The following CFAP157 variants were observed in gnomAD, a reference collection of about 807,000 sequenced individuals.
The protein encoded by CFAP157 is cilia- and flagella-associated protein 157.
CFAP157 carries 43 observed loss-of-function variants against 57.8 expected under a neutral mutation model. The ratio of observed to expected loss-of-function variants is 0.74; its 90% CI spans 0.58 to 0.96. CFAP157 has a LOEUF of 0.96. CFAP157 is among the 40% of genes least tolerant of loss of function. The pLI is 0.00. For synonymous variants in CFAP157, 267 were observed against 269.0 expected (o/e 0.99, Z 0.07); for missense variants, 606 against 655.3 (o/e 0.92, Z 0.82).
Position 127,714,899 on chromosome 9 carries a change from G to C in CFAP157, c.*994G>C. ...TGAACCCGCGGATCTGTCACAGCCA[G>C]TGCTCCCCTCTGGCCCCCGCGCCCC... On this transcript the variant is annotated 3_prime_UTR_variant, in exon 9 of 9. Coordinates refer to ENST00000373295, the MANE Select transcript of CFAP157 (RefSeq NM_001012502.3). 1 of 1,049,404 alleles carries C rather than the reference G, an allele frequency of 9.5e-7. No individual in the cohort carries two copies. The highest frequency in any genetic ancestry group is 1.4e-6 in the Non-Finnish European group (1 of 734,596). The allele number at this position is 1,049,404 out of a possible 1,614,324, so 65.0% of individuals were successfully genotyped here. A position where few individuals can be genotyped will look rare whatever the true frequency, so the allele number is the denominator to read the frequency against.
In CFAP157 at chr9:127,715,782, G is replaced by A. The variant is rs1842965002; in HGVS notation, c.*1877G>A. ...GCCATGCTTCTGAGGGGCGGAAGCG[G>A]CGAGGCGGTGGCCGAGTCCGGGAAC... On this transcript the variant is annotated 3_prime_UTR_variant, in exon 9 of 9. Coordinates refer to ENST00000373295, the MANE Select transcript of CFAP157 (RefSeq NM_001012502.3). This position sits in a 1 kb window ranked among gnomAD's most constrained non-coding sequence, Gnocchi z 5.8. The A allele has an allele frequency of 3.4e-6, 5 of 1,481,294 alleles. No individual in the cohort carries two copies. The highest frequency in any genetic ancestry group is 4.5e-6 in the Non-Finnish European group (5 of 1,114,386). 91.8% of individuals were successfully genotyped at this position (1,481,294 alleles called of 1,614,324 possible). A position where few individuals can be genotyped will look rare whatever the true frequency, so the allele number is the denominator to read the frequency against.
rs552146423 is a variant in CFAP157, at chr9:127,708,776, A to G, written c.162-646A>G. 5.0e-4 allele frequency among the ~76,000 whole-genome samples: 76 copies of G among 152,360 alleles called. 1 individual carries two copies. Among genetic ancestry groups the G allele is most frequent in the South Asian group, 3.1e-3 (15 of 4,834 alleles). On this transcript the variant is annotated intron_variant, in intron 1 of 8. Transcript: ENST00000373295. The stretch of plus-strand genomic sequence containing the variant: ...GCCAACTTACAGGAGCACCAAAGAG[A>G]GGGCCACAAATGTGGCTCAGGGCCA...
rs963782807 is a variant in CFAP157 at position 127,715,096 on chromosome 9, ACT to A, written c.*1195_*1196del. 47 of 1,532,432 alleles carry A rather than the reference ACT, an allele frequency of 3.1e-5. No homozygotes were observed. In the African/African-American group the frequency reaches 4.3e-4, roughly 14 times the overall value. The allele number at this position is 1,532,432 out of a possible 1,614,324, so 94.9% of individuals were successfully genotyped here. A position where few individuals can be genotyped will look rare whatever the true frequency, so the allele number is the denominator to read the frequency against. On this transcript the variant is annotated 3_prime_UTR_variant, in exon 9 of 9. Transcript: ENST00000373295. The surrounding 1 kb of genome is among the most constrained non-coding windows in gnomAD (Gnocchi z 5.8). Reference sequence around the variant, plus strand: ...CGGCACAGTGCCGGTCGCGCGTCCAACTCTCCGCCACACCCAGCCGCCGCGCC... The same window carrying A: ...CGGCACAGTGCCGGTCGCGCGTCCAACTCCGCCACACCCAGCCGCCGCGCC...
rs771889568 is a variant in CFAP157, at chr9:127,712,207, G to C, written c.995G>C (p.Arg332Thr). The C allele has an allele frequency of 1.4e-5, 22 of 1,613,918 alleles. No homozygotes were observed. The highest frequency in any genetic ancestry group is 1.8e-5 in the Non-Finnish European group (21 of 1,179,950). ...QVDNQALKSQ[R>T]DQLSLQLEQQ... ...TCCCAGTTGGGGTCCAGGAGCCAGA[G>C]AGACCAGCTGAGCCTGCAGCTGGAG... The change falls in exon 6 of 9, where the codon AGA (arginine) becomes ACA (threonine). Residue 332 changes from arginine (R) to threonine (T), a missense_variant. Arg to Thr is a moderately conservative substitution (Grantham distance 71). Coordinates refer to ENST00000373295, the MANE Select transcript of CFAP157 (RefSeq NM_001012502.3).
Position 127,713,914 on chromosome 9 carries a change from GAGA to G in CFAP157, c.*14_*16del, listed in dbSNP as rs1842830758. On this transcript the variant is annotated 3_prime_UTR_variant, in exon 9 of 9. Transcript: ENST00000373295. ...CCCTACGTCCCAAGTAGGACACAGA[GAGA>G]AGAACCTACTCCAGAAATGGACTGG... The G allele has an allele frequency of 6.2e-7, 1 of 1,612,952 alleles. No homozygotes were observed. The highest frequency in any genetic ancestry group is 1.7e-5 in the Admixed American group (1 of 60,012).
Position 127,714,920 on chromosome 9 carries a change from G to GCCCCCCCCCCCCCC in CFAP157, c.*1019_*1020insCCCCCCCCCCCCCC. The GCCCCCCCCCCCCCC allele has an allele frequency of 2.2e-6, 1 of 454,990 alleles. No homozygotes were observed. Among genetic ancestry groups the GCCCCCCCCCCCCCC allele is most frequent in the Non-Finnish European group, 4.0e-6 (1 of 251,058 alleles). The allele number at this position is 454,990 out of a possible 1,614,324, so 28.2% of individuals were successfully genotyped here. A position where few individuals can be genotyped will look rare whatever the true frequency, so the allele number is the denominator to read the frequency against. ...GCCAGTGCTCCCCTCTGGCCCCCGC[G>GCCCCCCCCCCCCCC]CCCCAACCCCCACCCCCTTGGCCCG... is the stretch of plus-strand genomic sequence containing the variant. On this transcript the variant is annotated 3_prime_UTR_variant, in exon 9 of 9. Coordinates refer to ENST00000373295, the MANE Select transcript of CFAP157 (RefSeq NM_001012502.3).
Position 127,712,833 on chromosome 9 carries a change from G to T in CFAP157, c.1262G>T (p.Cys421Phe). 1 of 1,613,734 alleles carries T rather than the reference G, an allele frequency of 6.2e-7. No individual in the cohort carries two copies. Among genetic ancestry groups the T allele is most frequent in the Non-Finnish European group, 8.5e-7 (1 of 1,179,786 alleles). Residue 421 changes from cysteine to phenylalanine, a missense_variant, in exon 7 of 9, where the codon TGT becomes TTT. By Grantham distance (205) the Cys-to-Phe change is radical. Coordinates refer to ENST00000373295, the MANE Select transcript of CFAP157 (RefSeq NM_001012502.3). Reference protein sequence around the residue: ...TVATRPQKAACPHQESQSHGP... With the variant: ...TVATRPQKAAFPHQESQSHGP... ...GCCACGAGACCTCAGAAGGCTGCGT[G>T]TCCCCACCAGGAGTCACAGTCCCAT...
chr9:127,712,677 T>A, intron 6 of CFAP157, 32 bp from the exon 7 acceptor site: 1 of 1,613,960 alleles, frequency 6.2e-7, no homozygotes, highest in Non-Finnish European at 8.5e-7. Flanking sequence ...GGGGCCACTG[T>A]GGGCCTGCTG....
rs1052421950 is a variant in CFAP157 at position 127,714,861 on chromosome 9, A to G, written c.*956A>G. 2 of 1,034,782 alleles carry G rather than the reference A, an allele frequency of 1.9e-6. No individual in the cohort carries two copies. Among genetic ancestry groups the G allele is most frequent in the Non-Finnish European group, 2.8e-6 (2 of 712,806 alleles). 64.1% of individuals were successfully genotyped at this position (1,034,782 alleles called of 1,614,324 possible). On this transcript the variant is annotated 3_prime_UTR_variant, in exon 9 of 9. Coordinates refer to ENST00000373295, the MANE Select transcript of CFAP157 (RefSeq NM_001012502.3). ...AGCCATGCAGCAACTGGAGCTCAAC[A>G]GGTACTTGGAGGTGAACCCGCGGAT...
At chr9:127,710,577 G>A (rs754330945) in intron 2 of CFAP157, 24 bp from the exon 3 acceptor site, 4 of 1,565,964 alleles carry the variant, frequency 2.6e-6, no homozygotes, top group East Asian at 2.4e-5. Flanking sequence ...CCCATCATTG[G>A]GCCTTGTGCG....
chr9:127,711,897 G>A lies in CFAP157; in HGVS notation c.933G>A (p.Leu311=). The part of the protein sequence containing the change: ...TKEAEELRLL[L]SQLEQRSLQL... ...AGGCCGAGGAGCTGCGCCTCCTGCTGAGCCAGTTGGAGCAGAGATCCCTGC... is the reference window on the plus strand; with the variant it reads ...AGGCCGAGGAGCTGCGCCTCCTGCTAAGCCAGTTGGAGCAGAGATCCCTGC... Residue 311 remains leucine, a synonymous_variant, in exon 5 of 9, where the codon CTG becomes CTA. Transcript: ENST00000373295. 6.2e-7 allele frequency: 1 copy of A among 1,600,300 alleles called. No homozygotes were observed. Among genetic ancestry groups the A allele is most frequent in the Non-Finnish European group, 8.5e-7 (1 of 1,174,712 alleles).
At position 127,710,680 on chromosome 9, in the gene CFAP157, G is replaced by C; in HGVS notation, c.513G>C (p.Gln171His). 1 of 1,580,150 alleles carries C rather than the reference G, an allele frequency of 6.3e-7. No homozygotes were observed. Among genetic ancestry groups the C allele is most frequent in the Non-Finnish European group, 8.6e-7 (1 of 1,162,436 alleles). The change falls in exon 3 of 9, where the codon CAG becomes CAC. Residue 171 changes from glutamine to histidine, a missense_variant. Gln to His is a conservative substitution (Grantham distance 24). Transcript: ENST00000373295. ...VTDKFTLLEEQVRKQENEFRD... is the reference protein window; with the variant it reads ...VTDKFTLLEEHVRKQENEFRD... ...ACAAGTTCACATTGCTGGAGGAGCAGGTGCGGAAGCAGGAGAATGAGTTCA... is the reference window on the plus strand; with the variant it reads ...ACAAGTTCACATTGCTGGAGGAGCACGTGCGGAAGCAGGAGAATGAGTTCA...
chr9:127,710,332 T>G (rs552477025), intron 2 of CFAP157, among the ~76,000 whole-genome samples: 1 of 149,832 alleles, frequency 6.7e-6, no homozygotes, highest in East Asian at 2.0e-4. Context: ...GTCGCTTTCA[T>G]GAGAGTATCA....
In CFAP157 at chr9:127,711,492, A is replaced by C; in HGVS notation, c.851A>C (p.Gln284Pro). 6.2e-7 allele frequency: 1 copy of C among 1,612,908 alleles called. No homozygotes were observed. Among genetic ancestry groups the C allele is most frequent in the Non-Finnish European group, 8.5e-7 (1 of 1,179,636 alleles). The change falls in exon 4 of 9, where the codon CAG becomes CCG. Residue 284 changes from glutamine to proline, a missense_variant. Coordinates refer to ENST00000373295, the MANE Select transcript of CFAP157 (RefSeq NM_001012502.3). ...KVMARHKRGH[Q>P]KIILMLTKKC... Reference sequence around the variant, plus strand: ...ATGGCCAGGCACAAAAGAGGCCACCAGAAGGTGTGCCTGCAGGCCTCAGCA... The same window carrying C: ...ATGGCCAGGCACAAAAGAGGCCACCCGAAGGTGTGCCTGCAGGCCTCAGCA...
At position 127,714,945 on chromosome 9, in the gene CFAP157, G is replaced by A. The variant is rs762828987; in HGVS notation, c.*1040G>A. 2 of 345,138 alleles carry A rather than the reference G, an allele frequency of 5.8e-6. No homozygotes were observed. The highest frequency in any genetic ancestry group is 7.4e-5 in the Admixed American group (1 of 13,552). The allele number at this position is 345,138 out of a possible 1,614,324, so 21.4% of individuals were successfully genotyped here. A position where few individuals can be genotyped will look rare whatever the true frequency, so the allele number is the denominator to read the frequency against. The stretch of plus-strand genomic sequence containing the variant: ...GCCCCAACCCCCACCCCCTTGGCCC[G>A]CCCGCCCACCCCTGGCGCTCTCAAC... On this transcript the variant is annotated 3_prime_UTR_variant, in exon 9 of 9. Transcript: ENST00000373295.
intron 8 of CFAP157, chr9:127,713,496 C>CTTTTTTTTTTT (rs58502035): frequency 1.1e-5 from 1 of 90,188 alleles, no homozygotes; most frequent in Non-Finnish European, 1.9e-5. Context: ...CAGCATCTTT[C>CTTTTTTTTTTT]TTTTTTTTTT....
In CFAP157 at chr9:127,712,215, C is replaced by A. The variant is rs1178419684; in HGVS notation, c.1003C>A (p.Leu335Met). ...NQALKSQRDQ[L>M]SLQLEQQQVD... The stretch of plus-strand genomic sequence containing the variant: ...GGGGTCCAGGAGCCAGAGAGACCAG[C>A]TGAGCCTGCAGCTGGAGCAGCAGCA... Residue 335 changes from leucine (L) to methionine (M), a missense_variant, in exon 6 of 9, where the codon CTG becomes ATG. Physicochemically the swap from Leu to Met is conservative, Grantham distance 15. Transcript: ENST00000373295. 3.7e-6 allele frequency: 6 copies of A among 1,613,930 alleles called. No individual in the cohort carries two copies. The highest frequency in any genetic ancestry group is 1.7e-4 in the Middle Eastern group (1 of 6,060).
intron 3 of CFAP157, 124 bp downstream of exon 3, chr9:127,710,878 C>G: frequency 9.3e-7 from 1 of 1,073,140 alleles, no homozygotes; most frequent in Non-Finnish European, 1.3e-6. Context: ...GCCGCCCCGA[C>G]AACCTGCTAC....
chr9:127,707,154 C>T lies in CFAP157; in HGVS notation c.123C>T (p.Tyr41=), dbSNP rs936051465. ...PPLAKEMKEF[Y]HIQIRDLEDR... is the part of the protein sequence containing the mutation. ...TGGCCAAGGAGATGAAGGAGTTCTA[C>T]CACATCCAGATCCGAGACCTGGAGG... The change falls in exon 1 of 9, where the codon TAC becomes TAT. Residue 41 remains tyrosine (Y), a synonymous_variant. Transcript: ENST00000373295. 6.2e-6 allele frequency: 10 copies of T among 1,613,444 alleles called. No homozygotes were observed. Among genetic ancestry groups the T allele is most frequent in the Admixed American group, 3.3e-5 (2 of 60,000 alleles).
Sources: gnomAD v4.1 joint callset for allele counts (sites outside exome capture counted in the v4.1 genomes callset) on GRCh38, gnomAD v4.1.1 for gene constraint, Gnocchi (gnomAD v3.1) non-coding constraint, MANE v1.5 for transcripts, NCBI Gene and HGNC (gene_info 2026-07-23, HGNC 2026-07-21) for gene names.